Variants in KLHL1 observed in about 807,000 individuals in gnomAD.
KLHL1 encodes kelch-like protein 1.
A neutral mutation model predicts 77.7 loss-of-function variants in KLHL1; 47 were observed. The ratio of observed to expected loss-of-function variants is 0.60; its 90% CI spans 0.48 to 0.77. The LOEUF is 0.77. Ranked by LOEUF, KLHL1 falls within the 30% of genes least tolerant of loss-of-function variation. The pLI is 0.00. For missense variants in KLHL1, 925 were observed against 910.8 expected, an observed-to-expected ratio of 1.02 and a Z score of -0.20; for synonymous variants, 360 against 325.2, an observed-to-expected ratio of 1.11 and a Z score of -1.15.
intron 6 of KLHL1, among the ~76,000 whole-genome samples, chr13:69,828,180 A>G (rs1481001104): frequency 6.7e-6 from 1 of 150,172 alleles, no homozygotes; most frequent in East Asian, 1.9e-4. Flanking sequence ...TTGCCACAGC[A>G]CACTCCATGA....
chr13:69,867,811 G>A (rs530491335), intron 5 of KLHL1, among the ~76,000 whole-genome samples: 125 of 135,526 alleles, frequency 9.2e-4, no homozygotes, highest in Middle Eastern at 4.4e-3. Flanking sequence ...ATGAGAACAC[G>A]TGGACACAGG....
intron 4 of KLHL1, among the ~76,000 whole-genome samples, chr13:69,926,343 AT>A (rs1270079819): frequency 6.6e-6 from 1 of 152,190 alleles, no homozygotes; most frequent in African/African-American, 2.4e-5. Context: ...TTTAAAAAAA[AT>A]AAACATTATG....
intron 7 of KLHL1, among the ~76,000 whole-genome samples, chr13:69,777,576 C>A (rs999244344): frequency 6.6e-6 from 1 of 151,874 alleles, no homozygotes; most frequent in African/African-American, 2.4e-5. Flanking sequence ...GGTTTGCTAC[C>A]CAAATATGCT....
intron 1 of KLHL1, among the ~76,000 whole-genome samples, chr13:70,078,059 CTTTTTATTTTTTA>C (rs1887305707): frequency 1.3e-5 from 2 of 151,714 alleles, no homozygotes; most frequent in South Asian, 2.1e-4. Context: ...GATCTTTTTT[CTTTTTATTTTTTA>C]TTTTTTCTGC....
At chr13:69,989,283 T>C (rs542126101) in intron 1 of KLHL1, among the ~76,000 whole-genome samples, 1 of 152,188 alleles carries the variant, frequency 6.6e-6, no homozygotes, top group South Asian at 2.1e-4. Flanking sequence ...TGTGGCTTTA[T>C]TTCATGGCTC....
chr13:69,980,882 T>C (rs545708288), intron 1 of KLHL1, among the ~76,000 whole-genome samples: 7 of 152,304 alleles, frequency 4.6e-5, no homozygotes, highest in African/African-American at 1.4e-4. Context: ...AATAAATGCA[T>C]AAATATATTC....
At chr13:70,067,615 G>A (rs1198884757) in intron 1 of KLHL1, among the ~76,000 whole-genome samples, 1 of 149,480 alleles carries the variant, frequency 6.7e-6, no homozygotes, top group African/African-American at 2.5e-5. Context: ...TTAGTACAGG[G>A]GCTCAGATGA....
chr13:69,994,991 T>C (rs540762758), intron 1 of KLHL1, among the ~76,000 whole-genome samples: 3 of 152,106 alleles, frequency 2.0e-5, no homozygotes, highest in African/African-American at 7.2e-5. Flanking sequence ...GGTATCTATA[T>C]CAACAATGTA....
intron 5 of KLHL1, among the ~76,000 whole-genome samples, chr13:69,863,633 G>A (rs1299646912): frequency 2.0e-5 from 3 of 151,978 alleles, no homozygotes; most frequent in African/African-American, 4.8e-5. Context: ...TACTGTGGAA[G>A]CACTGAATGA....
chr13:70,015,372 T>G (rs1307165434), intron 1 of KLHL1, among the ~76,000 whole-genome samples: 1 of 152,132 alleles, frequency 6.6e-6, no homozygotes, highest in Non-Finnish European at 1.5e-5. Flanking sequence ...GGTAAACATA[T>G]GTATTATAGT....
intron 7 of KLHL1, among the ~76,000 whole-genome samples, chr13:69,752,483 C>T (rs183924668): frequency 0.012 from 1,894 of 152,148 alleles, 29 homozygotes; most frequent in Non-Finnish European, 0.019. Flanking sequence ...TCATGTGGTA[C>T]GTAGACATTG....
intron 3 of KLHL1, among the ~76,000 whole-genome samples, chr13:69,951,162 ATTAC>A (rs1424098780): frequency 6.6e-6 from 1 of 151,590 alleles, no homozygotes; most frequent in Non-Finnish European, 1.5e-5. Context: ...GTTTTAAGAC[ATTAC>A]TTATTGTGAA....
At chr13:69,863,577 T>C (rs1446829700) in intron 5 of KLHL1, among the ~76,000 whole-genome samples, 3 of 152,090 alleles carry the variant, frequency 2.0e-5, no homozygotes, top group Non-Finnish European at 2.9e-5. Context: ...TTTGAATTTA[T>C]GATTTTTTTT....
At chr13:69,905,244 T>C (rs1291003212) in intron 4 of KLHL1, among the ~76,000 whole-genome samples, 1 of 152,134 alleles carries the variant, frequency 6.6e-6, no homozygotes, top group Non-Finnish European at 1.5e-5. Context: ...ACCACTTGCT[T>C]GTATGTAGTA....
chr13:70,045,872 T>C (rs1886483591), intron 1 of KLHL1, among the ~76,000 whole-genome samples: 1 of 152,222 alleles, frequency 6.6e-6, no homozygotes, highest in Non-Finnish European at 1.5e-5. Flanking sequence ...CACCTTCCTC[T>C]ATCTGTTTTG....
At chr13:70,091,536 T>C (rs1023535932) in intron 1 of KLHL1, among the ~76,000 whole-genome samples, 2 of 152,076 alleles carry the variant, frequency 1.3e-5, no homozygotes, top group African/African-American at 4.8e-5. Context: ...GGCAGCAAAA[T>C]TTTCAATTGT....
At chr13:69,728,656 A>T (rs540648281) in intron 8 of KLHL1, among the ~76,000 whole-genome samples, 22 of 151,840 alleles carry the variant, frequency 1.4e-4, no homozygotes, top group Non-Finnish European at 2.1e-4. Context: ...TGCCAAAAAA[A>T]AAAAAGCAAA....
At chr13:69,927,506 A>G (rs1882853986) in intron 4 of KLHL1, among the ~76,000 whole-genome samples, 1 of 152,322 alleles carries the variant, frequency 6.6e-6, no homozygotes, top group Admixed American at 6.5e-5. Flanking sequence ...TTTGCAAATC[A>G]TATAGTTGAT....
At chr13:69,875,950 A>G (rs1333606026) in intron 5 of KLHL1, among the ~76,000 whole-genome samples, 1 of 152,150 alleles carries the variant, frequency 6.6e-6, no homozygotes, top group East Asian at 1.9e-4. Context: ...CAGCCAGCAA[A>G]TCAAAGGGGG....
Sources: allele counts gnomAD v4.1 joint callset (sites outside exome capture counted in the v4.1 genomes callset), GRCh38; gene constraint gnomAD v4.1.1; transcripts MANE v1.5; gene names NCBI Gene and HGNC (gene_info 2026-07-23, HGNC 2026-07-21).